PCDH1: variants seen among roughly 807,000 people sequenced by gnomAD.
PCDH1 encodes protocadherin 1, also known as protocadherin-1.
PCDH1 carries 23 observed loss-of-function variants against 74.6 expected under a neutral mutation model. The observed-to-expected ratio is 0.31, with a 90% CI of 0.22 to 0.44. The LOEUF (loss-of-function observed/expected upper bound fraction) is 0.44. Ranked by LOEUF, PCDH1 falls within the 20% of genes least tolerant of loss-of-function variation. PCDH1 has a pLI of 1.00. For synonymous variants in PCDH1, 647 were observed against 686.1 expected (o/e 0.94, Z 0.89); for missense variants, 1,214 against 1,641.4 (o/e 0.74, Z 4.50).
rs758466587 is a variant in PCDH1 at position 141,864,320 on chromosome 5, G to A, written c.2011C>T (p.Leu671=). 1 of 1,614,124 alleles carries A rather than the reference G, an allele frequency of 6.2e-7. No individual in the cohort carries two copies. The part of the protein sequence containing the change: ...QNGTGTILSS[L]SFDREQQSTY... ...CTTTGTTGCTCTCGATCAAAGCTCA[G>A]GCTGGATAGGATGGTGCCTGTGCCA... Residue 671 remains leucine, a synonymous_variant, in exon 3 of 5, where the codon CTG becomes TTG. Transcript: ENST00000287008. This position sits in a 1 kb window ranked among gnomAD's most constrained non-coding sequence, Gnocchi z 5.9.
chr5:141,861,476 C>T (rs922652319), intron 3 of PCDH1, among the ~76,000 whole-genome samples: 45 of 151,890 alleles, frequency 3.0e-4, no homozygotes, highest in Admixed American at 1.2e-3. Context: ...GAGATGAAGA[C>T]GCTAAAGGAA....
chr5:141,858,711 G>A (rs1752453681), intron 3 of PCDH1, among the ~76,000 whole-genome samples: 1 of 152,198 alleles, frequency 6.6e-6, no homozygotes, highest in Admixed American at 6.5e-5. Flanking sequence ...GGAGGGTGCA[G>A]ACTCAGGGTC....
intron 3 of PCDH1, among the ~76,000 whole-genome samples, chr5:141,859,794 C>T (rs1025016232): frequency 2.6e-5 from 4 of 152,138 alleles, no homozygotes; most frequent in African/African-American, 9.7e-5. Context: ...ATCTCTATGC[C>T]CTTTTAAGCC....
chr5:141,854,630 A>ACACACG (rs1460645424), intron 4 of PCDH1, among the ~76,000 whole-genome samples, 194 bp from the exon 5 acceptor site: 5 of 152,052 alleles, frequency 3.3e-5, no homozygotes, highest in African/African-American at 9.7e-5. Flanking sequence ...GGCCTACTGT[A>ACACACG]CACACGCACA....
chr5:141,859,733 C>G (rs1216787809), intron 3 of PCDH1, among the ~76,000 whole-genome samples: 1 of 146,796 alleles, frequency 6.8e-6, no homozygotes, highest in African/African-American at 2.5e-5. Flanking sequence ...ATCCATCACC[C>G]CCATTGCCAC....
In PCDH1 at chr5:141,865,002, G is replaced by A. The variant is rs773179616; in HGVS notation, c.1329C>T (p.Arg443=). ...TGTCACTGCCTGTCTCACTGGCCTG[G>A]CGCAGCTGGAAGGGCACATCACCTG... The part of the protein sequence containing the change: ...VVAGDVPFQL[R]QASETGSDSK... Residue 443 remains arginine (R), a synonymous_variant, in exon 3 of 5, where the codon CGC becomes CGT. Transcript: ENST00000287008. The surrounding 1 kb of genome is among the most constrained non-coding windows in gnomAD (Gnocchi z 4.4). 1 of 1,614,106 alleles carries A rather than the reference G, an allele frequency of 6.2e-7. No individual in the cohort carries two copies. Among genetic ancestry groups the A allele is most frequent in the Non-Finnish European group, 8.5e-7 (1 of 1,180,026 alleles).
At chr5:141,872,791 T>A (rs1596562401) in intron 1 of PCDH1, among the ~76,000 whole-genome samples, 1 of 152,044 alleles carries the variant, frequency 6.6e-6, no homozygotes, top group South Asian at 2.1e-4. Flanking sequence ...AACCTCTGAA[T>A]TGGAAAGAGA....
rs1203248160 is a variant in PCDH1 at position 141,853,914 on chromosome 5, G to C, written c.*128C>G. 1.2e-6 allele frequency: 1 copy of C among 805,150 alleles called. No homozygotes were observed. The highest frequency in any genetic ancestry group is 1.7e-5 in the African/African-American group (1 of 58,072). 49.9% of individuals were successfully genotyped at this position (805,150 alleles called of 1,614,324 possible). A position where few individuals can be genotyped will look rare whatever the true frequency, so the allele number is the denominator to read the frequency against. On this transcript the variant is annotated 3_prime_UTR_variant, in exon 5 of 5. Transcript: ENST00000287008. ...AAGGGCCAGCGTGGTCATGAGGTCA[G>C]TGATACCCCCACTTGGGGCCCTGGC...
At chr5:141,856,280 G>A in intron 4 of PCDH1, 8 of 1,535,580 alleles carry the variant, frequency 5.2e-6, no homozygotes, top group Non-Finnish European at 7.0e-6. Context: ...GGCACAAAAA[G>A]GATGAGACGG....
chr5:141,869,627 T>A lies in PCDH1; in HGVS notation c.41-196A>T, dbSNP rs1301653903. The A allele has an allele frequency of 2.0e-6, 3 of 1,534,288 alleles. No individual in the cohort carries two copies. In the South Asian group the frequency reaches 3.6e-5, roughly 18 times the overall value. ...CATCCACAGCTGGGTGTAGCAGCAG[T>A]GTCTGCCCCAGCTGGAGGAGCCAGT... is the stretch of plus-strand genomic sequence containing the variant. On this transcript the variant is annotated intron_variant, in intron 1 of 4. Transcript: ENST00000287008. This position sits in a 1 kb window ranked among gnomAD's most constrained non-coding sequence, Gnocchi z 4.9.
Position 141,854,275 on chromosome 5 carries a change from G to T in PCDH1, c.3481C>A (p.Arg1161=), listed in dbSNP as rs760805786. 14 of 1,613,582 alleles carry T rather than the reference G, an allele frequency of 8.7e-6. No individual in the cohort carries two copies. The highest frequency in any genetic ancestry group is 1.2e-5 in the Non-Finnish European group (14 of 1,179,798). ...GCGCCCGCAGGCTCCTGCCCTCCTC[G>T]GTCCTGGTAAGGCACGAAGGTGGAG... ...KLSTFVPYQD[R]GGQEPAGAGS... is the part of the protein sequence containing the mutation. Residue 1161 remains arginine, a synonymous_variant, in exon 5 of 5, where the codon CGA becomes AGA. Transcript: ENST00000287008.
chr5:141,855,770 C>T (rs899588311), intron 4 of PCDH1, among the ~76,000 whole-genome samples: 2 of 152,182 alleles, frequency 1.3e-5, no homozygotes, highest in African/African-American at 2.4e-5. Context: ...CAGCCACCAC[C>T]CCTGGCCTTG....
rs116447949 is a variant in PCDH1, at chr5:141,872,700, G to A, written c.41-3269C>T. On this transcript the variant is annotated intron_variant, in intron 1 of 4. Transcript: ENST00000287008. ...CACACATGCTTGTGAGACTACCTCCGCTCCCCACACGCTCTTTCTCACCCT... is the reference window on the plus strand; with the variant it reads ...CACACATGCTTGTGAGACTACCTCCACTCCCCACACGCTCTTTCTCACCCT... Among the ~76,000 whole-genome samples the A allele has an allele frequency of 3.0e-3, 454 of 152,174 alleles. 1 individual carries two copies. Among genetic ancestry groups the A allele is most frequent in the African/African-American group, 9.3e-3 (384 of 41,506 alleles).
Position 141,853,977 on chromosome 5 carries a change from T to C in PCDH1, c.*65A>G. The stretch of plus-strand genomic sequence containing the variant: ...GCTGAAGGGGTGGAGAGTGAGGCCC[T>C]GGAATGGGCCATTTGGGAGCTGGCC... On this transcript the variant is annotated 3_prime_UTR_variant, in exon 5 of 5. Transcript: ENST00000287008. 1 of 1,386,582 alleles carries C rather than the reference T, an allele frequency of 7.2e-7. No homozygotes were observed. Among genetic ancestry groups the C allele is most frequent in the Non-Finnish European group, 9.6e-7 (1 of 1,041,358 alleles). 85.9% of individuals were successfully genotyped at this position (1,386,582 alleles called of 1,614,324 possible).
At position 141,865,316 on chromosome 5, in the gene PCDH1, T is replaced by C; in HGVS notation, c.1015A>G (p.Ile339Val). Residue 339 changes from isoleucine (I) to valine (V), a missense_variant, in exon 3 of 5, where the codon ATC (isoleucine) becomes GTC (valine). Transcript: ENST00000287008. The surrounding 1 kb of genome is among the most constrained non-coding windows in gnomAD (Gnocchi z 4.4). ...LLRLDRNTGLITVQGPVDRED... is the reference protein window; with the variant it reads ...LLRLDRNTGLVTVQGPVDRED... Reference sequence around the variant, plus strand: ...CGGTCCACCGGGCCCTGAACAGTGATAAGTCCAGTGTTCCTGTCCAGTCGA... The same window carrying C: ...CGGTCCACCGGGCCCTGAACAGTGACAAGTCCAGTGTTCCTGTCCAGTCGA... 1 of 1,614,174 alleles carries C rather than the reference T, an allele frequency of 6.2e-7. No individual in the cohort carries two copies. Among genetic ancestry groups the C allele is most frequent in the Non-Finnish European group, 8.5e-7 (1 of 1,180,036 alleles).
At chr5:141,859,046 T>C (rs1420311175) in intron 3 of PCDH1, among the ~76,000 whole-genome samples, 2 of 152,132 alleles carry the variant, frequency 1.3e-5, no homozygotes, top group Admixed American at 1.3e-4. Flanking sequence ...GTTCTTGGAA[T>C]CCTTGTATTG....
rs201970237 is a variant in PCDH1 at position 141,863,568 on chromosome 5, G to A, written c.2763C>T (p.Pro921=). ...CATCCTCGTCCTCCACTGGCTTCAC[G>A]GGCTTTGGGGACTTGCTCTTCTTGC... ...SKGKKSKSPK[P]VKPVEDEDEA... is the part of the protein sequence containing the mutation. The change falls in exon 3 of 5, where the codon CCC becomes CCT. Residue 921 remains proline, a synonymous_variant. Transcript: ENST00000287008. This position sits in a 1 kb window ranked among gnomAD's most constrained non-coding sequence, Gnocchi z 7.5. The A allele has an allele frequency of 1.7e-5, 28 of 1,614,046 alleles. No homozygotes were observed. The highest frequency in any genetic ancestry group is 4.5e-5 in the East Asian group (2 of 44,888).
rs1202306861 is a variant in PCDH1 at position 141,868,429 on chromosome 5, G to A, written c.903+140C>T. On this transcript the variant is annotated intron_variant, in intron 2 of 4. Coordinates refer to ENST00000287008, the MANE Select transcript of PCDH1 (RefSeq NM_032420.5). The surrounding 1 kb of genome is among the most constrained non-coding windows in gnomAD (Gnocchi z 4.8). ...GGGGTGGGGTGGGAAAGACTCCCCT[G>A]GCTGAGTTTGGGGAGAAGGGGTCTC... 3.5e-6 allele frequency: 5 copies of A among 1,418,680 alleles called. No homozygotes were observed. Among genetic ancestry groups the A allele is most frequent in the Non-Finnish European group, 4.6e-6 (5 of 1,089,824 alleles). 87.9% of individuals were successfully genotyped at this position (1,418,680 alleles called of 1,614,324 possible). A position where few individuals can be genotyped will look rare whatever the true frequency, so the allele number is the denominator to read the frequency against.
chr5:141,859,148 T>A (rs1323905847), intron 3 of PCDH1, among the ~76,000 whole-genome samples: 2 of 152,102 alleles, frequency 1.3e-5, no homozygotes, highest in African/African-American at 4.8e-5. Context: ...AGGAGTGTAG[T>A]CCACCTGGTG....
Sources: allele counts gnomAD v4.1 joint callset (sites outside exome capture counted in the v4.1 genomes callset), GRCh38; gene constraint gnomAD v4.1.1; non-coding constraint Gnocchi (gnomAD v3.1); transcripts MANE v1.5; gene names NCBI Gene and HGNC (gene_info 2026-07-23, HGNC 2026-07-21).